The following TRAPPC9 variants were observed in gnomAD, a reference collection of about 807,000 sequenced individuals.
TRAPPC9 encodes IKK2 binding protein.
A neutral mutation model predicts 124.0 loss-of-function variants in TRAPPC9; 83 were observed. That is an observed-to-expected ratio of 0.67 (90% CI 0.56 to 0.80). The LOEUF (loss-of-function observed/expected upper bound fraction) is 0.80, where lower values mean the gene tolerates loss of function less well. TRAPPC9 is among the 30% of genes least tolerant of loss of function. The probability of loss-of-function intolerance (pLI) is 0.00; values close to 1 mark genes in which losing one functional copy is unlikely to be tolerated. For missense variants in TRAPPC9, 1,302 were observed against 1,508.3 expected, an observed-to-expected ratio of 0.86 and a Z score of 2.27; for synonymous variants, 638 against 617.5, an observed-to-expected ratio of 1.03 and a Z score of -0.49.
At chr8:139,830,681 A>G (rs1335663823) in intron 21 of TRAPPC9, among the ~76,000 whole-genome samples, 1 of 152,142 alleles carries the variant, frequency 6.6e-6, no homozygotes, top group Non-Finnish European at 1.5e-5. Flanking sequence ...GCACACACAT[A>G]CACATGCATA....
At chr8:140,057,154 C>T (rs1261023530) in intron 17 of TRAPPC9, among the ~76,000 whole-genome samples, 1 of 152,144 alleles carries the variant, frequency 6.6e-6, no homozygotes, top group Non-Finnish European at 1.5e-5. Context: ...TACCTCACAC[C>T]TGTTAGGATG....
chr8:139,981,522 G>A (rs530457406), intron 19 of TRAPPC9, among the ~76,000 whole-genome samples: 2 of 152,348 alleles, frequency 1.3e-5, no homozygotes, highest in South Asian at 2.1e-4. Flanking sequence ...ATAACAACCT[G>A]CAAGAAGACT....
intron 17 of TRAPPC9, among the ~76,000 whole-genome samples, chr8:140,167,107 CA>C (rs2130922372): frequency 6.7e-6 from 1 of 149,948 alleles, no homozygotes; most frequent in South Asian, 2.1e-4. Context: ...CCAGGTCACA[CA>C]GGACACAGAA....
rs189771498 is a variant in TRAPPC9 at position 140,374,304 on chromosome 8, G to A, written c.1135-3124C>T. On this transcript the variant is annotated intron_variant, in intron 7 of 22. Transcript: ENST00000438773. ...GCAGGGGTTGGCCGGGCGCAGTGGC[G>A]CACACCTGTAATCCCAGCACTTTGG... 6.0e-4 allele frequency among the ~76,000 whole-genome samples: 91 copies of A among 152,316 alleles called. No homozygotes were observed. In the East Asian group the frequency reaches 0.015, roughly 25 times the overall value.
intron 21 of TRAPPC9, among the ~76,000 whole-genome samples, chr8:139,857,667 C>A (rs1350929833): frequency 6.6e-6 from 1 of 152,236 alleles, no homozygotes; most frequent in Non-Finnish European, 1.5e-5. Context: ...GGCCGTCTGA[C>A]CACCTCTGCC....
At chr8:139,779,747 T>C (rs1821659846) in intron 21 of TRAPPC9, among the ~76,000 whole-genome samples, 1 of 152,100 alleles carries the variant, frequency 6.6e-6, no homozygotes, top group Admixed American at 6.5e-5. Context: ...TGTTCATAGA[T>C]GACATGGTTG....
intron 19 of TRAPPC9, among the ~76,000 whole-genome samples, chr8:139,980,829 C>T (rs1216276478): frequency 1.3e-5 from 2 of 152,090 alleles, no homozygotes; most frequent in Admixed American, 6.5e-5. Flanking sequence ...GAGCCACACG[C>T]CCCCCACCTT....
chr8:139,807,179 G>T (rs941260187), intron 21 of TRAPPC9, among the ~76,000 whole-genome samples: 1 of 152,230 alleles, frequency 6.6e-6, no homozygotes, highest in Non-Finnish European at 1.5e-5. Context: ...GGGGCTGTCT[G>T]TGGGGTGAGT....
At chr8:139,861,795 C>T (rs765870919) in intron 21 of TRAPPC9, among the ~76,000 whole-genome samples, 1 of 152,118 alleles carries the variant, frequency 6.6e-6, no homozygotes, top group African/African-American at 2.4e-5. Flanking sequence ...CGTGAAGACG[C>T]ACTGTCTCCC....
Position 139,772,524 on chromosome 8 carries a change from C to T in TRAPPC9, c.3056-40322G>A, listed in dbSNP as rs113061773. ...ACACTCTGCCTGTGAGCTCCCCAGG[C>T]GTCTGCCTTCGGGGTGCACATGGCC... On this transcript the variant is annotated intron_variant, in intron 21 of 22. Coordinates refer to ENST00000438773, the MANE Select transcript of TRAPPC9 (RefSeq NM_001160372.4). Among the ~76,000 whole-genome samples the T allele has an allele frequency of 7.5e-4, 114 of 152,318 alleles. 1 individual carries two copies. The highest frequency in any genetic ancestry group is 2.6e-3 in the African/African-American group (108 of 41,566).
intron 19 of TRAPPC9, among the ~76,000 whole-genome samples, chr8:139,950,268 A>G (rs1834550946): frequency 6.6e-6 from 1 of 152,264 alleles, no homozygotes; most frequent in Non-Finnish European, 1.5e-5. Context: ...CAAAGTAACA[A>G]TATGCACAAA....
At chr8:140,432,232 A>G (rs903761916) in intron 4 of TRAPPC9, among the ~76,000 whole-genome samples, 1 of 152,198 alleles carries the variant, frequency 6.6e-6, no homozygotes, top group Non-Finnish European at 1.5e-5. Flanking sequence ...TGTTGGCATA[A>G]TAAGAAATGA....
chr8:139,766,157 A>C (rs1191362640), intron 21 of TRAPPC9, among the ~76,000 whole-genome samples: 1 of 152,230 alleles, frequency 6.6e-6, no homozygotes, highest in African/African-American at 2.4e-5. Context: ...GCAGAGATGG[A>C]AAGAAAGAGG....
intron 21 of TRAPPC9, among the ~76,000 whole-genome samples, chr8:139,850,161 A>G (rs1009594962): frequency 6.6e-6 from 1 of 152,200 alleles, no homozygotes; most frequent in African/African-American, 2.4e-5. Context: ...CACCTCATAC[A>G]TATGACAAAT....
intron 16 of TRAPPC9, among the ~76,000 whole-genome samples, chr8:140,232,803 G>A (rs571812169): frequency 2.6e-5 from 4 of 152,196 alleles, no homozygotes; most frequent in South Asian, 2.1e-4. Context: ...ATTAACATAC[G>A]TTATTTTAGG....
intron 17 of TRAPPC9, among the ~76,000 whole-genome samples, chr8:140,109,704 G>A (rs866919156): frequency 6.6e-6 from 1 of 152,182 alleles, no homozygotes; most frequent in Non-Finnish European, 1.5e-5. Flanking sequence ...TCAAAAACTG[G>A]GGAATATGGG....
chr8:140,228,869 A>AG (rs889512485), intron 16 of TRAPPC9, among the ~76,000 whole-genome samples: 1 of 152,212 alleles, frequency 6.6e-6, no homozygotes, highest in South Asian at 2.1e-4. Context: ...CTTTGAGGGT[A>AG]GGGGGGAAGA....
chr8:140,265,298 CTTATTTGTGTA>C (rs2064598648), intron 15 of TRAPPC9, among the ~76,000 whole-genome samples: 1 of 152,202 alleles, frequency 6.6e-6, no homozygotes, highest in African/African-American at 2.4e-5. Context: ...AACCACACTG[CTTATTTGTGTA>C]TTAAGTTCTG....
intron 11 of TRAPPC9, among the ~76,000 whole-genome samples, chr8:140,297,345 CAT>C (rs1412518283): frequency 1.8e-5 from 2 of 114,176 alleles, no homozygotes; most frequent in African/African-American, 7.4e-5. Flanking sequence ...CACACACATG[CAT>C]AGACACACAC....
Sources: gnomAD v4.1 joint callset for allele counts (sites outside exome capture counted in the v4.1 genomes callset) on GRCh38, gnomAD v4.1.1 for gene constraint, MANE v1.5 for transcripts, NCBI Gene and HGNC (gene_info 2026-07-23, HGNC 2026-07-21) for gene names.